HELB: variants seen among roughly 807,000 people sequenced by gnomAD.
The protein encoded by HELB is DNA 5'-3' helicase B.
HELB carries 96 observed loss-of-function variants against 101.7 expected under a neutral mutation model. That is an observed-to-expected ratio of 0.94 (90% CI 0.80 to 1.12). HELB has a LOEUF of 1.12. Ranked by LOEUF, HELB falls within the 50% of genes most tolerant of loss-of-function variation. HELB has a pLI of 0.00. For synonymous variants in HELB, 437 were observed against 459.7 expected, an observed-to-expected ratio of 0.95 and a Z score of 0.63; for missense variants, 1,210 against 1,291.9, an observed-to-expected ratio of 0.94 and a Z score of 0.97.
At chr12:66,323,011 T>A (rs982789554) in intron 9 of HELB, among the ~76,000 whole-genome samples, 1 of 151,990 alleles carries the variant, frequency 6.6e-6, no homozygotes, top group Non-Finnish European at 1.5e-5. Context: ...GGAGTGAAAT[T>A]TTTTTGGTTT....
At chr12:66,322,818 A>G (rs892826410) in intron 9 of HELB, 35 bp downstream of exon 9, 17 of 1,425,376 alleles carry the variant, frequency 1.2e-5, no homozygotes, top group Non-Finnish European at 1.5e-5. Flanking sequence ...TTTTAAGGAC[A>G]GTCCTTCTTC....
intron 4 of HELB, 37 bp from the exon 5 acceptor site, chr12:66,313,949 A>G (rs145568027): frequency 2.5e-6 from 4 of 1,599,892 alleles, no homozygotes; most frequent in African/African-American, 1.3e-5. Context: ...TGTAGATTTT[A>G]TAACCTGACT....
At chr12:66,340,800 T>C (rs970287852), downstream of HELB, 2 of 152,714 alleles carry the variant, frequency 1.3e-5, no homozygotes, top group African/African-American at 4.8e-5. Flanking sequence ...TAGGCCAGTC[T>C]CGCCTTTTCA....
chr12:66,322,764 T>G lies in HELB; in HGVS notation c.2278T>G (p.Tyr760Asp), dbSNP rs2053685993. The change falls in exon 9 of 13, where the codon TAC becomes GAC. Residue 760 changes from tyrosine to aspartate, a missense_variant. By Grantham distance (160) the Tyr-to-Asp change is radical (BLOSUM62 -3). This residue lies in a region of HELB where 740 missense variants were observed against 728.8 expected (regional missense o/e 1.02). Transcript: ENST00000247815. ...DLINDCCCKH[Y>D]TGHLTKDHQS... ...AATTAATGACTGCTGCTGCAAACAC[T>G]ACACAGGCCACCTCACCAAGTGAGT... The G allele has an allele frequency of 6.2e-7, 1 of 1,610,024 alleles. No individual in the cohort carries two copies. The highest frequency in any genetic ancestry group is 8.5e-7 in the Non-Finnish European group (1 of 1,177,766).
intron 6 of HELB, 122 bp downstream of exon 6, chr12:66,315,505 C>T: frequency 1.7e-6 from 1 of 602,424 alleles, no homozygotes; most frequent in Admixed American, 4.0e-5. Context: ...ACTCTTCCAT[C>T]CTTCAACTAT....
Position 66,302,739 on chromosome 12 carries a change from G to A in HELB, c.136G>A (p.Glu46Lys). The A allele has an allele frequency of 6.2e-7, 1 of 1,613,978 alleles. No individual in the cohort carries two copies. Among genetic ancestry groups the A allele is most frequent in the South Asian group, 1.1e-5 (1 of 91,076 alleles). ...AGAGTCCGTGTTCATCGACGCCGAG[G>A]AGCTCTGCAGTGGGGGCGTAAAGGC... ...DEESVFIDAE[E>K]LCSGGVKAGS... is the part of the protein sequence containing the mutation. Residue 46 changes from glutamate (E) to lysine (K), a missense_variant, in exon 1 of 13, where the codon GAG becomes AAG. By Grantham distance (56) the Glu-to-Lys change is moderately conservative (BLOSUM62 1). Coordinates refer to ENST00000247815, the MANE Select transcript of HELB (RefSeq NM_001370285.1).
In HELB at chr12:66,315,340, A is replaced by G; in HGVS notation, c.1957A>G (p.Asn653Asp). The change falls in exon 6 of 13, where the codon AAC becomes GAC. Residue 653 changes from asparagine to aspartate, a missense_variant. Around this residue, in one of 2 missense-constraint regions of HELB, gnomAD observed 740 missense variants for 728.8 expected, o/e 1.02. Coordinates refer to ENST00000247815, the MANE Select transcript of HELB (RefSeq NM_001370285.1). ...AAATTGTGCTATTGAGCTAAAGACA[A>G]ACCATAGAGCAGAATCTCAGCTCAT... ...SRNCAIELKT[N>D]HRAESQLIVD... The G allele has an allele frequency of 1.2e-6, 2 of 1,609,104 alleles. No individual in the cohort carries two copies. The highest frequency in any genetic ancestry group is 1.7e-6 in the Non-Finnish European group (2 of 1,177,750).
intron 3 of HELB, among the ~76,000 whole-genome samples, chr12:66,307,765 T>G (rs1326729501): frequency 6.6e-6 from 1 of 151,586 alleles, no homozygotes; most frequent in Non-Finnish European, 1.5e-5. Flanking sequence ...TTTTTTTTTT[T>G]TTCCCACCCA....
chr12:66,329,973 C>G (rs1565643793), intron 11 of HELB, among the ~76,000 whole-genome samples: 1 of 152,192 alleles, frequency 6.6e-6, no homozygotes, highest in Non-Finnish European at 1.5e-5. Flanking sequence ...CTTTTACAAT[C>G]TGAGGAGCTG....
At chr12:66,323,057 A>G (rs2053691010) in intron 9 of HELB, among the ~76,000 whole-genome samples, 1 of 152,016 alleles carries the variant, frequency 6.6e-6, no homozygotes, top group Non-Finnish European at 1.5e-5. Flanking sequence ...CAAGATAAGC[A>G]TGGGGAGCTC....
chr12:66,320,597 A>C (rs1440148678), intron 7 of HELB, among the ~76,000 whole-genome samples: 1 of 152,208 alleles, frequency 6.6e-6, no homozygotes, highest in Non-Finnish European at 1.5e-5. Flanking sequence ...TGCATTAATG[A>C]GAATGTACTT....
intron 6 of HELB, among the ~76,000 whole-genome samples, chr12:66,317,437 G>C (rs939709138): frequency 1.3e-5 from 2 of 152,136 alleles, no homozygotes; most frequent in Non-Finnish European, 2.9e-5. Flanking sequence ...GAAAACTAAT[G>C]GAGTTGGATG....
chr12:66,328,274 A>T (rs1283297733), intron 11 of HELB, among the ~76,000 whole-genome samples: 1 of 152,186 alleles, frequency 6.6e-6, no homozygotes, highest in African/African-American at 2.4e-5. Flanking sequence ...TTAAAAATGG[A>T]TACTAGGCTG....
intron 9 of HELB, 55 bp downstream of exon 9, chr12:66,322,838 GTTT>G: frequency 3.2e-6 from 3 of 941,846 alleles, no homozygotes; most frequent in Non-Finnish European, 4.6e-6. Context: ...CGATTTGCTG[GTTT>G]TTTTTTTTGC....
intron 7 of HELB, chr12:66,321,739 G>T (rs559138963): frequency 1.1e-5 from 5 of 459,324 alleles, no homozygotes; most frequent in Non-Finnish European, 1.2e-5. Context: ...GTTGAGGGTG[G>T]GTTGTCTTGG....
At chr12:66,324,750 G>A (rs1034570257) in intron 10 of HELB, among the ~76,000 whole-genome samples, 1 of 152,192 alleles carries the variant, frequency 6.6e-6, no homozygotes, top group African/African-American at 2.4e-5. Flanking sequence ...TCTTCACAGA[G>A]TCAAATTGAA....
At chr12:66,309,037 A>G (rs1343293159) in intron 3 of HELB, among the ~76,000 whole-genome samples, 1 of 152,208 alleles carries the variant, frequency 6.6e-6, no homozygotes, top group East Asian at 1.9e-4. Flanking sequence ...AGACACATAG[A>G]AAACTAAACA....
At chr12:66,335,827 G>A (rs1333501184) in intron 12 of HELB, among the ~76,000 whole-genome samples, 1 of 152,168 alleles carries the variant, frequency 6.6e-6, no homozygotes, top group Non-Finnish European at 1.5e-5. Flanking sequence ...ATATAGCAGA[G>A]GGAAGATAAA....
chr12:66,302,561 G>C lies in HELB; in HGVS notation c.-43G>C. 1 of 1,586,508 alleles carries C rather than the reference G, an allele frequency of 6.3e-7. No homozygotes were observed. Among genetic ancestry groups the C allele is most frequent in the Non-Finnish European group, 8.6e-7 (1 of 1,157,792 alleles). On this transcript the variant is annotated 5_prime_UTR_variant, in exon 1 of 13. Transcript: ENST00000247815. ...TTGGCTGATCATGACCATGCAGTTAGCCAGGGTTTTCCCGAGTTGTTTGGG... is the reference window on the plus strand; with the variant it reads ...TTGGCTGATCATGACCATGCAGTTACCCAGGGTTTTCCCGAGTTGTTTGGG...
Sources: allele counts gnomAD v4.1 joint callset (sites outside exome capture counted in the v4.1 genomes callset), GRCh38; gene constraint gnomAD v4.1.1; regional missense constraint gnomAD v4.1.1; transcripts MANE v1.5; gene names NCBI Gene and HGNC (gene_info 2026-07-23, HGNC 2026-07-21).